Variants in TAOK3 observed in about 807,000 individuals in gnomAD.
The protein encoded by TAOK3 is serine/threonine-protein kinase TAO3.
A neutral mutation model predicts 120.4 loss-of-function variants in TAOK3; 40 were observed. The observed-to-expected ratio is 0.33, with a 90% CI of 0.26 to 0.43. TAOK3 has a LOEUF of 0.43. Ranked by LOEUF, TAOK3 falls within the 20% of genes least tolerant of loss-of-function variation. TAOK3 has a pLI of 1.00. For missense variants in TAOK3, 821 were observed against 1,112.1 expected, an observed-to-expected ratio of 0.74 and a Z score of 3.72; for synonymous variants, 355 against 387.5, an observed-to-expected ratio of 0.92 and a Z score of 0.99.
chr12:118,311,130 T>A (rs1311931040), intron 1 of TAOK3, among the ~76,000 whole-genome samples: 1 of 152,156 alleles, frequency 6.6e-6, no homozygotes, highest in Non-Finnish European at 1.5e-5. Flanking sequence ...AATAAAACTG[T>A]ACATTGTTGT....
chr12:118,223,377 C>T (rs2039343303), intron 9 of TAOK3, among the ~76,000 whole-genome samples: 1 of 150,978 alleles, frequency 6.6e-6, no homozygotes, highest in African/African-American at 2.4e-5. Flanking sequence ...GGCAGAGTCT[C>T]GCTCTGTCGC....
At chr12:118,284,658 A>C (rs1294142460) in intron 1 of TAOK3, among the ~76,000 whole-genome samples, 1 of 152,154 alleles carries the variant, frequency 6.6e-6, no homozygotes, top group Non-Finnish European at 1.5e-5. Context: ...ATTGGTGTGC[A>C]GGGGAAATGT....
intron 1 of TAOK3, among the ~76,000 whole-genome samples, chr12:118,329,930 T>G (rs879770348): frequency 3.3e-5 from 5 of 152,196 alleles, no homozygotes. Flanking sequence ...CTTTTAAGTT[T>G]CAAAAATAAT....
In TAOK3 at chr12:118,160,392, G is replaced by A; in HGVS notation, c.2140-34C>T. On this transcript the variant is annotated intron_variant, in intron 18 of 20. Coordinates refer to ENST00000392533, the MANE Select transcript of TAOK3 (RefSeq NM_016281.4). The surrounding 1 kb of genome is among the most constrained non-coding windows in gnomAD (Gnocchi z 4.2). ...AAAAAGTGACAAAGGAAAAATAAAG[G>A]CACATCAGTAAATACAGAAAGCCTT... The A allele has an allele frequency of 1.3e-6, 2 of 1,556,178 alleles. No homozygotes were observed. Among genetic ancestry groups the A allele is most frequent in the Non-Finnish European group, 1.8e-6 (2 of 1,130,854 alleles).
At chr12:118,357,979 TAA>T (rs1016440998) in intron 1 of TAOK3, among the ~76,000 whole-genome samples, 9 of 152,346 alleles carry the variant, frequency 5.9e-5, no homozygotes, top group African/African-American at 2.2e-4. Flanking sequence ...TGCATAATTA[TAA>T]GACTTAATTT....
intron 1 of TAOK3, among the ~76,000 whole-genome samples, chr12:118,338,518 T>G (rs1274019106): frequency 6.6e-6 from 1 of 152,110 alleles, no homozygotes; most frequent in Non-Finnish European, 1.5e-5. Context: ...CTGGGCTTGG[T>G]GGCTCAGGCC....
chr12:118,251,371 G>C (rs184305527), intron 3 of TAOK3, among the ~76,000 whole-genome samples: 5 of 152,142 alleles, frequency 3.3e-5, no homozygotes, highest in African/African-American at 1.2e-4. Context: ...AAAGCTTTTC[G>C]TAAGTTCTAT....
At chr12:118,356,424 C>T (rs1374537637) in intron 1 of TAOK3, among the ~76,000 whole-genome samples, 5 of 151,632 alleles carry the variant, frequency 3.3e-5, no homozygotes, top group East Asian at 1.9e-4. Flanking sequence ...CTCAGCCTTC[C>T]GAGTAACTGG....
chr12:118,259,371 C>A (rs1053254525), intron 2 of TAOK3, among the ~76,000 whole-genome samples: 1 of 152,016 alleles, frequency 6.6e-6, no homozygotes, highest in Non-Finnish European at 1.5e-5. Flanking sequence ...CAGGCTGTAT[C>A]GCTACAAAAG....
At chr12:118,339,362 G>A (rs2044513695) in intron 1 of TAOK3, among the ~76,000 whole-genome samples, 1 of 127,272 alleles carries the variant, frequency 7.9e-6, no homozygotes, top group Non-Finnish European at 1.6e-5. Flanking sequence ...TCGGCTCACC[G>A]CAACCTCCGC....
chr12:118,282,831 G>A (rs754607109), intron 1 of TAOK3, among the ~76,000 whole-genome samples: 3 of 152,142 alleles, frequency 2.0e-5, no homozygotes. Context: ...TCACATGCCC[G>A]CCTGAAAGCT....
chr12:118,169,004 T>TTCCTTCCTTCCTTC (rs1565885916), intron 17 of TAOK3, among the ~76,000 whole-genome samples: 12 of 121,632 alleles, frequency 9.9e-5, no homozygotes, highest in African/African-American at 3.8e-4. Context: ...TTCCTTCCTT[T>TTCCTTCCTTCCTTC]CTTTCTTTCT....
intron 14 of TAOK3, 46 bp downstream of exon 14, chr12:118,189,761 G>A (rs774049476): frequency 1.2e-6 from 2 of 1,610,392 alleles, no homozygotes; most frequent in Non-Finnish European, 8.5e-7. Flanking sequence ...TGCCAGATGG[G>A]GAGGAGGGGA....
At chr12:118,285,142 T>G (rs2042220186) in intron 1 of TAOK3, among the ~76,000 whole-genome samples, 2 of 151,994 alleles carry the variant, frequency 1.3e-5, no homozygotes, top group Non-Finnish European at 2.9e-5. Context: ...TATCTATATA[T>G]ATAGATTCTC....
intron 1 of TAOK3, among the ~76,000 whole-genome samples, chr12:118,307,230 C>T (rs756911117): frequency 6.6e-6 from 1 of 152,034 alleles, no homozygotes; most frequent in African/African-American, 2.4e-5. Context: ...CTTCCCCCCC[C>T]CATCTCTGGA....
At chr12:118,333,986 T>C (rs1257021773) in intron 1 of TAOK3, among the ~76,000 whole-genome samples, 5 of 151,372 alleles carry the variant, frequency 3.3e-5, no homozygotes, top group Admixed American at 6.6e-5. Context: ...AAATACAAAA[T>C]TAGCCAGGCG....
chr12:118,196,674 T>C (rs2037745657), intron 13 of TAOK3, among the ~76,000 whole-genome samples: 2 of 152,238 alleles, frequency 1.3e-5, no homozygotes, highest in Non-Finnish European at 1.5e-5. Flanking sequence ...ATTATTTAAC[T>C]TTCTCAAACT....
chr12:118,179,092 T>C (rs1227608852), intron 15 of TAOK3, among the ~76,000 whole-genome samples: 1 of 152,228 alleles, frequency 6.6e-6, no homozygotes, highest in Non-Finnish European at 1.5e-5. Context: ...TTAATCAACA[T>C]CATCCTTGTC....
At chr12:118,273,676 C>A (rs556597602) in intron 1 of TAOK3, among the ~76,000 whole-genome samples, 1 of 150,838 alleles carries the variant, frequency 6.6e-6, no homozygotes, top group Non-Finnish European at 1.5e-5. Context: ...ATTAGCTGGG[C>A]GTGGTGGCGC....
Sources: allele counts gnomAD v4.1 joint callset (sites outside exome capture counted in the v4.1 genomes callset), GRCh38; gene constraint gnomAD v4.1.1; non-coding constraint Gnocchi (gnomAD v3.1); transcripts MANE v1.5; gene names NCBI Gene and HGNC (gene_info 2026-07-23, HGNC 2026-07-21).